The following BCAR3 variants were observed in gnomAD, a reference collection of about 807,000 sequenced individuals.
BCAR3 encodes the protein breast cancer anti-estrogen resistance protein 3.
BCAR3 carries 37 observed loss-of-function variants against 80.1 expected under a neutral mutation model. That is an observed-to-expected ratio of 0.46 (90% CI 0.36 to 0.61). The LOEUF is 0.61. Among genes scored for constraint, BCAR3 ranks in the 20% least tolerant of loss-of-function variants. The pLI is 0.00. For missense variants in BCAR3, 978 were observed against 1,068.2 expected, an observed-to-expected ratio of 0.92 and a Z score of 1.18; for synonymous variants, 389 against 418.9, an observed-to-expected ratio of 0.93 and a Z score of 0.87.
In BCAR3 at chr1:93,674,632, C is replaced by T. The variant is rs776366339; in HGVS notation, c.299G>A (p.Gly100Asp). 1 of 1,613,090 alleles carries T rather than the reference C, an allele frequency of 6.2e-7. No individual in the cohort carries two copies. The highest frequency in any genetic ancestry group is 2.2e-5 in the East Asian group (1 of 44,850). The change falls in exon 2 of 12, where the codon GGC becomes GAC. Residue 100 changes from glycine (G) to aspartate (D), a missense_variant. Gly to Asp is a moderately conservative substitution (Grantham distance 94). Transcript: ENST00000260502. ...AAGTTACCTGAAGGTGAAGGTTTCG[C>T]CGTGCCGGTCCTGCCATGGGCTCTC... ...IQESPWQDRH[G>D]ETFTFRDPHL...
At chr1:93,815,171 A>G (rs1436095923) in intron 2 of BCAR3, among the ~76,000 whole-genome samples, 4 of 152,118 alleles carry the variant, frequency 2.6e-5, no homozygotes, top group African/African-American at 4.8e-5. Flanking sequence ...TTCAGGTCCC[A>G]CCGGGCCTCT....
chr1:93,658,611 C>T (rs1571016015), intron 2 of BCAR3, among the ~76,000 whole-genome samples: 1 of 152,116 alleles, frequency 6.6e-6, no homozygotes. Flanking sequence ...GAGATGGCAC[C>T]ACTGCACTCC....
chr1:93,581,192 A>G (rs1673693467), intron 7 of BCAR3, among the ~76,000 whole-genome samples: 1 of 152,074 alleles, frequency 6.6e-6, no homozygotes, highest in Non-Finnish European at 1.5e-5. Context: ...CAATGTAAAT[A>G]TTTAATCACA....
intron 3 of BCAR3, among the ~76,000 whole-genome samples, chr1:93,613,489 G>C (rs1327107870): frequency 6.6e-6 from 1 of 152,162 alleles, no homozygotes. Flanking sequence ...AGAGAAAAGG[G>C]CTCAGCTACC....
upstream of BCAR3, among the ~76,000 whole-genome samples, chr1:93,682,344 TATC>T (rs1648821898): frequency 6.6e-6 from 1 of 152,210 alleles, no homozygotes; most frequent in African/African-American, 2.4e-5. Context: ...GACTTAACAC[TATC>T]TTATATCAAG....
chr1:93,609,395 A>G (rs1373071812), intron 3 of BCAR3, among the ~76,000 whole-genome samples: 3 of 152,084 alleles, frequency 2.0e-5, no homozygotes, highest in Non-Finnish European at 4.4e-5. Flanking sequence ...CACAGGCACC[A>G]CACCCCAACC....
chr1:93,843,956 C>T (rs550332137), intron 2 of BCAR3, among the ~76,000 whole-genome samples: 8 of 152,154 alleles, frequency 5.3e-5, no homozygotes, highest in Non-Finnish European at 1.0e-4. Flanking sequence ...CAAATATATA[C>T]AGTAGAAGTA....
At chr1:93,704,487 C>T (rs1032764223) in intron 3 of BCAR3, among the ~76,000 whole-genome samples, 1 of 152,132 alleles carries the variant, frequency 6.6e-6, no homozygotes, top group Non-Finnish European at 1.5e-5. Context: ...GATACTTGGC[C>T]AAAGTTACAC....
At chr1:93,771,838 T>C (rs1271227328) in intron 2 of BCAR3, among the ~76,000 whole-genome samples, 2 of 152,168 alleles carry the variant, frequency 1.3e-5, no homozygotes, top group Non-Finnish European at 2.9e-5. Context: ...AATACACCCT[T>C]CCTCTACCAA....
intron 2 of BCAR3, among the ~76,000 whole-genome samples, chr1:93,707,507 C>T (rs570848619): frequency 6.3e-4 from 96 of 152,106 alleles, no homozygotes; most frequent in South Asian, 2.1e-3. Flanking sequence ...GTCAGGAGTT[C>T]AAGACCAGCC....
chr1:93,624,429 T>G (rs1675399707), intron 3 of BCAR3, among the ~76,000 whole-genome samples: 1 of 152,316 alleles, frequency 6.6e-6, no homozygotes, highest in South Asian at 2.1e-4. Context: ...AGTCCTTAGG[T>G]GGACATGGCC....
rs1673762758 is a variant in BCAR3, at chr1:93,582,651, G to A, written c.1336C>T (p.Leu446=). Residue 446 remains leucine, a synonymous_variant, in exon 7 of 12, where the codon CTA becomes TTA. Coordinates refer to ENST00000260502, the MANE Select transcript of BCAR3 (RefSeq NM_003567.4). ...FATGCGRGAK[L]PSCAQGSHTE... ...TGGCTTCCCTGGGCACATGAGGGTA[G>A]CTTTGCTCCCCTGCCGCAGCCTGTG... 2 of 1,613,954 alleles carry A rather than the reference G, an allele frequency of 1.2e-6. No homozygotes were observed. The highest frequency in any genetic ancestry group is 8.5e-7 in the Non-Finnish European group (1 of 1,180,012).
At chr1:93,621,661 C>T (rs747512245) in intron 3 of BCAR3, among the ~76,000 whole-genome samples, 4 of 152,096 alleles carry the variant, frequency 2.6e-5, no homozygotes, top group African/African-American at 9.7e-5. Flanking sequence ...TTAACCAGCA[C>T]GGGAACCCCT....
At chr1:93,842,181 C>T (rs1402862642) in intron 2 of BCAR3, among the ~76,000 whole-genome samples, 1 of 148,506 alleles carries the variant, frequency 6.7e-6, no homozygotes, top group Non-Finnish European at 1.5e-5. Context: ...GATGGAGTCT[C>T]GTTCTGTTGC....
chr1:93,717,688 G>A lies in BCAR3; in HGVS notation c.-62-11546C>T, dbSNP rs376464450. 1.5e-3 allele frequency among the ~76,000 whole-genome samples: 220 copies of A among 146,016 alleles called. 1 individual carries two copies. The highest frequency in any genetic ancestry group is 5.4e-3 in the African/African-American group (210 of 38,868). On this transcript the variant is annotated intron_variant, in intron 2 of 13. Transcript: ENST00000370244. ...GGTTGCAGTGAGCCGAGATCGTGCC[G>A]CTGTACTCCAGCCTGCACGAGACTC...
intron 2 of BCAR3, among the ~76,000 whole-genome samples, chr1:93,759,381 C>A (rs1295210664): frequency 6.6e-6 from 1 of 152,144 alleles, no homozygotes; most frequent in East Asian, 1.9e-4. Flanking sequence ...CCACACTGAG[C>A]TGGGCATTCA....
rs184513467 is a variant in BCAR3 at position 93,610,419 on chromosome 1, C to T, written c.358-18026G>A. On this transcript the variant is annotated intron_variant, in intron 3 of 11. Transcript: ENST00000260502. Reference sequence around the variant, plus strand: ...GTCCCTATGCCATTCTTTTCTTTGTCCATCCAAATCCCCAGTTATTAAAAA... The same window carrying T: ...GTCCCTATGCCATTCTTTTCTTTGTTCATCCAAATCCCCAGTTATTAAAAA... 5.3e-5 allele frequency among the ~76,000 whole-genome samples: 8 copies of T among 152,244 alleles called. No individual in the cohort carries two copies. The East Asian group carries it at 1.4e-3, about 26-fold the overall frequency.
intron 2 of BCAR3, among the ~76,000 whole-genome samples, chr1:93,644,568 A>T (rs1190007664): frequency 6.6e-6 from 1 of 152,232 alleles, no homozygotes; most frequent in Non-Finnish European, 1.5e-5. Context: ...CACCAGGGGC[A>T]CATTCTTTCA....
intron 3 of BCAR3, chr1:93,614,075 G>T: frequency 7.0e-7 from 1 of 1,432,174 alleles, no homozygotes. Context: ...GGAGTGAGTC[G>T]GCTCCTTCTC....
Sources: gnomAD v4.1 joint callset for allele counts (sites outside exome capture counted in the v4.1 genomes callset) on GRCh38, gnomAD v4.1.1 for gene constraint, MANE v1.5 for transcripts, NCBI Gene and HGNC (gene_info 2026-07-23, HGNC 2026-07-21) for gene names.